Variants in EPHB4 observed in about 807,000 individuals in gnomAD.
EPHB4 encodes EPH receptor B4, also known as ephrin type-B receptor 4.
A neutral mutation model predicts 110.6 loss-of-function variants in EPHB4; 50 were observed. The ratio of observed to expected loss-of-function variants is 0.45; its 90% CI spans 0.36 to 0.57. EPHB4 has a LOEUF of 0.57. Ranked by LOEUF, EPHB4 falls within the 20% of genes least tolerant of loss-of-function variation. The pLI is 0.00. For missense variants in EPHB4, 1,128 were observed against 1,382.1 expected, an observed-to-expected ratio of 0.82 and a Z score of 2.91; for synonymous variants, 592 against 578.4, an observed-to-expected ratio of 1.02 and a Z score of -0.34.
At position 100,823,916 on chromosome 7, in the gene EPHB4, C is replaced by T. The variant is rs775332052; in HGVS notation, c.139G>A (p.Gly47Ser). Reference protein sequence around the residue: ...QVDGQWEELSGLDEEQHSVRT... With the variant: ...QVDGQWEELSSLDEEQHSVRT... ...ACGCTGTGCTGTTCCTCATCCAGGC[C>T]GCTCAGTTCCTCCCACTGTGCAGAG... Residue 47 changes from glycine to serine, a missense_variant, in exon 3 of 17, where the codon GGC (glycine) becomes AGC (serine). Coordinates refer to ENST00000358173, the MANE Select transcript of EPHB4 (RefSeq NM_004444.5). 109 of 1,590,702 alleles carry T rather than the reference C, an allele frequency of 6.9e-5. 2 individuals are homozygous for T. In the South Asian group the frequency reaches 9.2e-4, roughly 13 times the overall value.
At chr7:100,826,755 C>T (rs968450188) in intron 1 of EPHB4, 16 of 480,636 alleles carry the variant, frequency 3.3e-5, no homozygotes, top group Non-Finnish European at 5.2e-5. Flanking sequence ...TGTCCCGGGT[C>T]GTAGCCAGAC....
rs1812801179 is a variant in EPHB4 at position 100,805,556 on chromosome 7, C to G, written c.2623G>C (p.Asp875His). ...PRFPQVVSAL[D>H]KMIRNPASLK... is the part of the protein sequence containing the mutation. ...CTGGCGGGGTTCCGGATCATCTTGT[C>G]CAGGGCGCTGACCACCTGGGGGAAG... The change falls in exon 15 of 17, where the codon GAC (aspartate) becomes CAC (histidine). Residue 875 changes from aspartate (D) to histidine (H), a missense_variant. By Grantham distance (81) the Asp-to-His change is moderately conservative. Coordinates refer to ENST00000358173, the MANE Select transcript of EPHB4 (RefSeq NM_004444.5). 1 of 1,538,692 alleles carries G rather than the reference C, an allele frequency of 6.5e-7. No individual in the cohort carries two copies. The highest frequency in any genetic ancestry group is 8.7e-7 in the Non-Finnish European group (1 of 1,144,196).
In EPHB4 at chr7:100,822,052, C is replaced by T. The variant is rs1305309524; in HGVS notation, c.808+219G>A. Among the ~76,000 whole-genome samples, 1 of 152,082 alleles carries T rather than the reference C, an allele frequency of 6.6e-6. No individual in the cohort carries two copies. The highest frequency in any genetic ancestry group is 1.5e-5 in the Non-Finnish European group (1 of 68,012). On this transcript the variant is annotated intron_variant, in intron 4 of 16. Coordinates refer to ENST00000358173, the MANE Select transcript of EPHB4 (RefSeq NM_004444.5). This position sits in a 1 kb window ranked among gnomAD's most constrained non-coding sequence, Gnocchi z 4.7. Reference sequence around the variant, plus strand: ...GCGTGTGCCTGTAGTCCCAGCTACTCACGAGGCTGAGGCAGGAGAACTGCT... The same window carrying T: ...GCGTGTGCCTGTAGTCCCAGCTACTTACGAGGCTGAGGCAGGAGAACTGCT...
intron 10 of EPHB4, 176 bp downstream of exon 10, chr7:100,813,476 T>C: frequency 1.4e-6 from 1 of 734,968 alleles, no homozygotes; most frequent in Non-Finnish European, 2.3e-6. Context: ...CCACCATGCC[T>C]GGCTGACTGA....
chr7:100,814,161 G>A (rs1813011889), intron 8 of EPHB4, 140 bp from the exon 9 acceptor site: 1 of 852,664 alleles, frequency 1.2e-6, no homozygotes. Context: ...GACACAAGCA[G>A]GCAAGGTCAG....
chr7:100,819,648 A>G lies in EPHB4; in HGVS notation c.1206T>C (p.Tyr402=). ...CGTTCAATGCAGTGACCTCAAAGGT[A>G]TAGGTGAAGTCAGGACGTAGCCCTC... ...VVRGLRPDFT[Y]TFEVTALNGV... The change falls in exon 6 of 17, where the codon TAT becomes TAC. Residue 402 remains tyrosine (Y), a synonymous_variant. Transcript: ENST00000358173. The G allele has an allele frequency of 6.2e-7, 1 of 1,613,532 alleles. No homozygotes were observed. The highest frequency in any genetic ancestry group is 8.5e-7 in the Non-Finnish European group (1 of 1,179,662).
chr7:100,812,024 T>C (rs1428955540), intron 12 of EPHB4, among the ~76,000 whole-genome samples: 1 of 151,586 alleles, frequency 6.6e-6, no homozygotes, highest in Non-Finnish European at 1.5e-5. Context: ...AATACAAAAT[T>C]AGTCAAGCGT....
At chr7:100,823,997 A>G in intron 2 of EPHB4, 66 bp from the exon 3 acceptor site, 2 of 1,519,138 alleles carry the variant, frequency 1.3e-6, no homozygotes, top group Non-Finnish European at 8.8e-7. Flanking sequence ...CATGGGGTGA[A>G]TCCTATAAAG....
At position 100,822,823 on chromosome 7, in the gene EPHB4, A is replaced by C. The variant is rs971197528; in HGVS notation, c.412-156T>G. ...CAGGGCACACTTTCTGCAGGCCCCC[A>C]CACTGTCCATTCAGCCTTGCAAAGC... On this transcript the variant is annotated intron_variant, in intron 3 of 16. Coordinates refer to ENST00000358173, the MANE Select transcript of EPHB4 (RefSeq NM_004444.5). The surrounding 1 kb of genome is among the most constrained non-coding windows in gnomAD (Gnocchi z 4.7). 6.6e-5 allele frequency among the ~76,000 whole-genome samples: 10 copies of C among 152,102 alleles called. No homozygotes were observed. The highest frequency in any genetic ancestry group is 1.5e-5 in the Non-Finnish European group (1 of 68,016).
intron 13 of EPHB4, 32 bp downstream of exon 13, chr7:100,807,333 A>C (rs781110022): frequency 2.5e-6 from 4 of 1,607,510 alleles, no homozygotes; most frequent in East Asian, 4.5e-5. Context: ...TGGCCCTAAG[A>C]AGCTCACACC....
intron 6 of EPHB4, 36 bp downstream of exon 6, chr7:100,819,521 G>A (rs983172613): frequency 7.8e-6 from 12 of 1,529,538 alleles, no homozygotes; most frequent in African/African-American, 4.1e-5. Flanking sequence ...CATCTCTCCC[G>A]CCAGACCACC....
intron 12 of EPHB4, among the ~76,000 whole-genome samples, chr7:100,812,446 C>T (rs1013996464): frequency 4.0e-5 from 6 of 151,768 alleles, no homozygotes; most frequent in Admixed American, 6.6e-5. Flanking sequence ...AAAAATTAGT[C>T]AGCATGGTGG....
At position 100,805,228 on chromosome 7, in the gene EPHB4, G is replaced by C. The variant is rs764404042; in HGVS notation, c.2772C>G (p.Tyr924Ter). 3 of 1,613,376 alleles carry C rather than the reference G, an allele frequency of 1.9e-6. No individual in the cohort carries two copies. The highest frequency in any genetic ancestry group is 2.5e-6 in the Non-Finnish European group (3 of 1,179,738). ...EWLRAIKMGR[Y>*]EESFAAAGFG... The stretch of plus-strand genomic sequence containing the variant: ...AGCCAGCGGCTGCGAAACTTTCTTC[G>C]TATCTTCCCATTTTGATGGCCCGAA... Residue 924 changes from tyrosine (Y) to a stop codon, truncating the protein, a stop_gained, in exon 16 of 17, where the codon TAC becomes TAG. Transcript: ENST00000358173. LOFTEE classifies it high-confidence loss of function.
Position 100,819,839 on chromosome 7 carries a change from G to A in EPHB4, c.1015C>T (p.Leu339=). The change falls in exon 6 of 17, where the codon CTG becomes TTG. Residue 339 remains leucine (L), a synonymous_variant. Coordinates refer to ENST00000358173, the MANE Select transcript of EPHB4 (RefSeq NM_004444.5). ...AGGGGGGCACTCCATTCCAGGTGCA[G>A]GGAGGAGCCGTTCAGGCGGGAAACC... is the stretch of plus-strand genomic sequence containing the variant. ...SVVSRLNGSS[L]HLEWSAPLES... The A allele has an allele frequency of 6.4e-7, 1 of 1,554,914 alleles. No individual in the cohort carries two copies. The highest frequency in any genetic ancestry group is 8.7e-7 in the Non-Finnish European group (1 of 1,149,486).
intron 4 of EPHB4, among the ~76,000 whole-genome samples, chr7:100,821,640 A>AG (rs1813235807): frequency 1.3e-5 from 2 of 150,636 alleles, no homozygotes; most frequent in African/African-American, 4.9e-5. Flanking sequence ...AAAAAAAAAA[A>AG]AAATTTTTTT....
chr7:100,807,225 T>C, intron 13 of EPHB4, 140 bp downstream of exon 13: 1 of 804,764 alleles, frequency 1.2e-6, no homozygotes, highest in South Asian at 1.7e-5. Context: ...TTCCTGGAGC[T>C]GACTGTCCCC....
chr7:100,816,546 C>T (rs979098294), intron 8 of EPHB4, among the ~76,000 whole-genome samples: 22 of 151,972 alleles, frequency 1.4e-4, no homozygotes, highest in Non-Finnish European at 3.1e-4. Flanking sequence ...GCTGGTCAGA[C>T]TGGTCTCGAA....
rs1323901205 is a variant in EPHB4, at chr7:100,812,958, G to A, written c.1907C>T (p.Ala636Val). 1.9e-6 allele frequency: 3 copies of A among 1,613,952 alleles called. No individual in the cohort carries two copies. Among genetic ancestry groups the A allele is most frequent in the East Asian group, 2.2e-5 (1 of 44,866 alleles). ...FGEVCRGRLKAPGKKESCVAI... is the reference protein window; with the variant it reads ...FGEVCRGRLKVPGKKESCVAI... ...CACACAGCTCTCCTTCTTCCCTGGG[G>A]CCTTGAGCCGCCCCCGGCACACCTC... The change falls in exon 12 of 17, where the codon GCC (alanine) becomes GTC (valine). Residue 636 changes from alanine to valine, a missense_variant. By Grantham distance (64) the Ala-to-Val change is moderately conservative. Transcript: ENST00000358173.
At chr7:100,815,595 T>C (rs2116439309) in intron 8 of EPHB4, among the ~76,000 whole-genome samples, 1 of 152,248 alleles carries the variant, frequency 6.6e-6, no homozygotes, top group South Asian at 2.1e-4. Context: ...TGTGAATGTA[T>C]CAAAAGTCAT....
Sources: allele counts gnomAD v4.1 joint callset (sites outside exome capture counted in the v4.1 genomes callset), GRCh38; gene constraint gnomAD v4.1.1; non-coding constraint Gnocchi (gnomAD v3.1); transcripts MANE v1.5; gene names NCBI Gene and HGNC (gene_info 2026-07-23, HGNC 2026-07-21).